Variants in SEMA6C observed in about 807,000 individuals in gnomAD.
The protein encoded by SEMA6C is semaphorin-6C.
A neutral mutation model predicts 72.9 loss-of-function variants in SEMA6C; 37 were observed. That is an observed-to-expected ratio of 0.51 (90% confidence interval 0.39 to 0.67). The LOEUF (loss-of-function observed/expected upper bound fraction) is 0.67, where lower values mean the gene tolerates loss of function less well. SEMA6C is among the 30% of genes least tolerant of loss of function. SEMA6C has a pLI of 0.00. For missense variants in SEMA6C, 1,189 were observed against 1,263.6 expected (o/e 0.94, Z 0.89); for synonymous variants, 578 against 554.1 (o/e 1.04, Z -0.61).
rs913666493 is a variant in SEMA6C at position 151,132,940 on chromosome 1, C to A, written c.2337G>T (p.Pro779=). Residue 779 remains proline, a synonymous_variant, in exon 19 of 19, where the codon CCG becomes CCT. Coordinates refer to ENST00000368914, the MANE Select transcript of SEMA6C (RefSeq NM_030913.6). ...CGGGGGGCTCGGCCCCCTTTCTGGG[C>A]GGCTGCGGGCCGTGCAGGTAGCGCA... ...ELLRYLHGPQ[P]PRKGAEPPAP... 12 of 1,398,926 alleles carry A rather than the reference C, an allele frequency of 8.6e-6. No individual in the cohort carries two copies. The highest frequency in any genetic ancestry group is 1.0e-5 in the Non-Finnish European group (11 of 1,074,014). The allele number at this position is 1,398,926 out of a possible 1,614,324, so 86.7% of individuals were successfully genotyped here.
Position 151,132,930 on chromosome 1 carries a change from C to A in SEMA6C, c.2347G>T (p.Gly783Trp). 7.2e-7 allele frequency: 1 copy of A among 1,394,736 alleles called. No homozygotes were observed. Among genetic ancestry groups the A allele is most frequent in the South Asian group, 1.3e-5 (1 of 75,444 alleles). 86.4% of individuals were successfully genotyped at this position (1,394,736 alleles called of 1,614,324 possible). Reference sequence around the variant, plus strand: ...GTTAAAGGGGCGGGGGGCTCGGCCCCCTTTCTGGGCGGCTGCGGGCCGTGC... The same window carrying A: ...GTTAAAGGGGCGGGGGGCTCGGCCCACTTTCTGGGCGGCTGCGGGCCGTGC... Reference protein sequence around the residue: ...YLHGPQPPRKGAEPPAPLTSR... With the variant: ...YLHGPQPPRKWAEPPAPLTSR... Residue 783 changes from glycine to tryptophan, a missense_variant, in exon 19 of 19, where the codon GGG (glycine) becomes TGG (tryptophan). Gly to Trp is a radical substitution (Grantham distance 184, BLOSUM62 -2). Coordinates refer to ENST00000368914, the MANE Select transcript of SEMA6C (RefSeq NM_030913.6).
intron 8 of SEMA6C, 60 bp downstream of exon 8, chr1:151,138,256 G>A: frequency 1.9e-6 from 3 of 1,591,986 alleles, no homozygotes; most frequent in South Asian, 1.1e-5. Flanking sequence ...ACTGGGAGAG[G>A]AGCTAAGGTG....
rs774875749 is a variant in SEMA6C, at chr1:151,136,957, C to A, written c.874G>T (p.Asp292Tyr). Residue 292 changes from aspartate to tyrosine, a missense_variant, in exon 11 of 19, where the codon GAC becomes TAC. Transcript: ENST00000368914. ...KLRLNCSVPG[D>Y]STFYFDVLQA... is the part of the protein sequence containing the mutation. The stretch of plus-strand genomic sequence containing the variant: ...AAAACATCAAAATAGAAAGTAGAGT[C>A]CCCAGGGACAGAGCAGTTGAGCCGA... 3 of 1,614,096 alleles carry A rather than the reference C, an allele frequency of 1.9e-6. No individual in the cohort carries two copies. The highest frequency in any genetic ancestry group is 2.5e-6 in the Non-Finnish European group (3 of 1,179,978).
chr1:151,133,356 C>G lies in SEMA6C; in HGVS notation c.1921G>C (p.Glu641Gln), dbSNP rs1304005451. Reference protein sequence around the residue: ...RAHRRRGKDIETPGLPRPLSL... With the variant: ...RAHRRRGKDIQTPGLPRPLSL... ...AGAGGGCGCGGGAGCCCCGGAGTCT[C>G]GATGTCCTTGCCCCGACGTCGGTGG... is the stretch of plus-strand genomic sequence containing the variant. Residue 641 changes from glutamate to glutamine, a missense_variant, in exon 19 of 19, where the codon GAG becomes CAG. Coordinates refer to ENST00000368914, the MANE Select transcript of SEMA6C (RefSeq NM_030913.6). This position sits in a 1 kb window ranked among gnomAD's most constrained non-coding sequence, Gnocchi z 5.9. 6 of 1,599,616 alleles carry G rather than the reference C, an allele frequency of 3.8e-6. No homozygotes were observed. In the Admixed American group the frequency reaches 1.0e-4, roughly 27 times the overall value.
intron 18 of SEMA6C, 170 bp downstream of exon 18, chr1:151,134,231 G>C (rs1681823983): frequency 1.3e-6 from 1 of 766,440 alleles, no homozygotes. Context: ...TGTTCAAAAA[G>C]TACCCTACTG....
intron 3 of SEMA6C, among the ~76,000 whole-genome samples, chr1:151,140,520 C>T (rs763473000): frequency 2.0e-5 from 3 of 152,164 alleles, no homozygotes; most frequent in African/African-American, 4.8e-5. Context: ...TTATTCACTC[C>T]GTTTCTCCCA....
chr1:151,137,913 C>A, intron 9 of SEMA6C, 73 bp downstream of exon 9: 1 of 1,588,874 alleles, frequency 6.3e-7, no homozygotes, highest in Non-Finnish European at 8.6e-7. Flanking sequence ...CACCATTTGC[C>A]TGCTCCCCGC....
Position 151,133,427 on chromosome 1 carries a change from C to G in SEMA6C, c.1850G>C (p.Gly617Ala). ...GACCAGGAGGCCAGAGACTGAGGCG[C>G]CCAGGGCAAAAGCTGCGGCCACACT... ...LASVAAAFAL[G>A]ASVSGLLVSC... The change falls in exon 19 of 19, where the codon GGC becomes GCC. Residue 617 changes from glycine to alanine, a missense_variant. Around this residue, in one of 2 missense-constraint regions of SEMA6C, gnomAD observed 721 missense variants for 686.2 expected, o/e 1.05. Coordinates refer to ENST00000368914, the MANE Select transcript of SEMA6C (RefSeq NM_030913.6). The surrounding 1 kb of genome is among the most constrained non-coding windows in gnomAD (Gnocchi z 5.9). The G allele has an allele frequency of 1.3e-6, 2 of 1,588,302 alleles. No homozygotes were observed. Among genetic ancestry groups the G allele is most frequent in the Non-Finnish European group, 1.7e-6 (2 of 1,171,066 alleles).
In SEMA6C at chr1:151,138,620, T is replaced by C. The variant is rs1393693455; in HGVS notation, c.456+10A>G. ...AACTCCCATCCTAACCCCCACCCTC[T>C]CTTTTGTACCCCATAGCTGCGGCAC... On this transcript the variant is annotated intron_variant, in intron 7 of 18. Transcript: ENST00000368914. 2 of 1,611,964 alleles carry C rather than the reference T, an allele frequency of 1.2e-6. No individual in the cohort carries two copies. The highest frequency in any genetic ancestry group is 2.7e-5 in the African/African-American group (2 of 74,816).
At chr1:151,140,785 G>C (rs1200356457) in intron 3 of SEMA6C, among the ~76,000 whole-genome samples, 3 of 152,328 alleles carry the variant, frequency 2.0e-5, no homozygotes, top group East Asian at 3.9e-4. Context: ...ACAAGGTCAG[G>C]AGATCGAGAC....
In SEMA6C at chr1:151,136,663, A is replaced by G. The variant is rs1682044750; in HGVS notation, c.975-84T>C. The G allele has an allele frequency of 8.4e-6, 13 of 1,543,232 alleles. 1 individual carries two copies. In the South Asian group the frequency reaches 1.5e-4, roughly 18 times the overall value. On this transcript the variant is annotated intron_variant, in intron 11 of 18. Coordinates refer to ENST00000368914, the MANE Select transcript of SEMA6C (RefSeq NM_030913.6). ...AGGAAGAAGTGGTGGCACCCTTCAT[A>G]CCACATTAAGAGATAGAGACTGAGG...
chr1:151,133,961 C>T lies in SEMA6C; in HGVS notation c.1759+440G>A, dbSNP rs1277074772. 13 of 1,548,054 alleles carry T rather than the reference C, an allele frequency of 8.4e-6. No individual in the cohort carries two copies. In the Admixed American group the frequency reaches 2.6e-4, roughly 30 times the overall value. ...ATCTCTCCCAAGTAGCCCCCTTACC[C>T]CGAGTGTGAACTCCAAGAGTGGAAG... On this transcript the variant is annotated intron_variant, in intron 18 of 18. Transcript: ENST00000368914. The surrounding 1 kb of genome is among the most constrained non-coding windows in gnomAD (Gnocchi z 5.9).
At position 151,139,483 on chromosome 1, in the gene SEMA6C, T is replaced by C; in HGVS notation, c.298-2A>G. The C allele has an allele frequency of 1.9e-6, 3 of 1,614,000 alleles. No individual in the cohort carries two copies. Among genetic ancestry groups the C allele is most frequent in the African/African-American group, 1.3e-5 (1 of 75,048 alleles). Reference sequence around the variant, plus strand: ...ATCTTGGCTTCTCCATGTTAGATACTGAAGGGATAAGTTGAAGAGGGAAAA... The same window carrying C: ...ATCTTGGCTTCTCCATGTTAGATACCGAAGGGATAAGTTGAAGAGGGAAAA... On this transcript the variant is annotated splice_acceptor_variant, in intron 5 of 18. Transcript: ENST00000368914. LOFTEE classifies it high-confidence loss of function.
At chr1:151,135,447 C>T (rs2101619315) in intron 14 of SEMA6C, 138 bp from the exon 15 acceptor site, 5 of 1,441,922 alleles carry the variant, frequency 3.5e-6, no homozygotes, top group Non-Finnish European at 4.7e-6. Flanking sequence ...CCACACTGTC[C>T]AGTCTTCTCG....
rs1170955083 is a variant in SEMA6C at position 151,132,715 on chromosome 1, G to A, written c.2562C>T (p.Phe854=). 4.9e-5 allele frequency: 73 copies of A among 1,486,540 alleles called. No homozygotes were observed. The highest frequency in any genetic ancestry group is 6.2e-5 in the Non-Finnish European group (69 of 1,117,300). The allele number at this position is 1,486,540 out of a possible 1,614,324, so 92.1% of individuals were successfully genotyped here. Residue 854 remains phenylalanine, a synonymous_variant, in exon 19 of 19, where the codon TTC becomes TTT. Transcript: ENST00000368914. The part of the protein sequence containing the change: ...LGVGGGRRLP[F]SGHRAPPALL... ...GGGCAGGGGGGGCCCGGTGGCCGGAGAAAGGCAACCTCCGGCCTCCGCCGA... is the reference window on the plus strand; with the variant it reads ...GGGCAGGGGGGGCCCGGTGGCCGGAAAAAGGCAACCTCCGGCCTCCGCCGA...
Position 151,137,041 on chromosome 1 carries a change from G to A in SEMA6C, c.790C>T (p.Arg264Cys), listed in dbSNP as rs148770722. 1,418 of 1,613,904 alleles carry A rather than the reference G, an allele frequency of 8.8e-4. 3 individuals are homozygous for A. Among genetic ancestry groups the A allele is most frequent in the Non-Finnish European group, 1.2e-3 (1,368 of 1,180,038 alleles). ...QFSRVARVCKRDMGGSPRALD... is the reference protein window; with the variant it reads ...QFSRVARVCKCDMGGSPRALD... Reference sequence around the variant, plus strand: ...GCCCGAGGCGAGCCGCCCATGTCACGTTTACATACTCGGGCTACGCGGGAG... The same window carrying A: ...GCCCGAGGCGAGCCGCCCATGTCACATTTACATACTCGGGCTACGCGGGAG... The change falls in exon 11 of 19, where the codon CGT (arginine) becomes TGT (cysteine). Residue 264 changes from arginine to cysteine, a missense_variant. Physicochemically the swap from Arg to Cys is radical, Grantham distance 180. This residue lies in a region of SEMA6C where 468 missense variants were observed against 577.4 expected (regional missense o/e 0.81). Transcript: ENST00000368914.
At chr1:151,140,228 C>T in intron 3 of SEMA6C, 138 bp from the exon 4 acceptor site, 1 of 685,872 alleles carries the variant, frequency 1.5e-6, no homozygotes, top group African/African-American at 1.8e-5. Context: ...ATACCAATAA[C>T]ACTGAGTACT....
intron 6 of SEMA6C, 118 bp downstream of exon 6, chr1:151,139,307 C>G (rs1682327963): frequency 1.2e-6 from 1 of 849,144 alleles, no homozygotes. Flanking sequence ...TCATTTTCCC[C>G]TGTGGCCTGG....
rs1681949023 is a variant in SEMA6C, at chr1:151,135,571, C to A, written c.1433+20G>T. The A allele has an allele frequency of 6.2e-7, 1 of 1,602,204 alleles. No homozygotes were observed. The highest frequency in any genetic ancestry group is 2.2e-5 in the East Asian group (1 of 44,788). ...ATCCCCTCCCTGCTTTGCAGGGGGC[C>A]TGCCCTCCAAAGGCCTCACCGGGCA... is the stretch of plus-strand genomic sequence containing the variant. On this transcript the variant is annotated intron_variant, in intron 14 of 18. Transcript: ENST00000368914.
Sources: gnomAD v4.1 joint callset for allele counts (sites outside exome capture counted in the v4.1 genomes callset) on GRCh38, gnomAD v4.1.1 for gene constraint, gnomAD v4.1.1 regional missense constraint, Gnocchi (gnomAD v3.1) non-coding constraint, MANE v1.5 for transcripts, NCBI Gene and HGNC (gene_info 2026-07-23, HGNC 2026-07-21) for gene names.